AGTPBP1: variants seen among roughly 807,000 people sequenced by gnomAD.
AGTPBP1 encodes cytosolic carboxypeptidase 1.
In AGTPBP1, 70 loss-of-function variants were observed where a neutral mutation model predicts 143.9. That is an observed-to-expected ratio of 0.49 (90% CI 0.40 to 0.59). AGTPBP1 has a LOEUF of 0.59. AGTPBP1 is among the 20% of genes least tolerant of loss of function. AGTPBP1 has a pLI of 0.00. For missense variants in AGTPBP1, 1,229 were observed against 1,464.5 expected (o/e 0.84, Z 2.62); for synonymous variants, 463 against 500.2 (o/e 0.93, Z 0.99).
In AGTPBP1 at chr9:85,683,562, C is replaced by CT. The variant is rs540020297; in HGVS notation, c.158-2228dup. ...ACTAAATGAAAATTAGGTGTTTAGACTAACAGTTTTCTACTCTACTCCAAA... is the reference window on the plus strand; with the variant it reads ...ACTAAATGAAAATTAGGTGTTTAGACTTAACAGTTTTCTACTCTACTCCAAA... On this transcript the variant is annotated intron_variant, in intron 3 of 25. Coordinates refer to ENST00000357081, the MANE Select transcript of AGTPBP1 (RefSeq NM_001330701.2). 5.1e-4 allele frequency among the ~76,000 whole-genome samples: 78 copies of CT among 152,272 alleles called. 1 individual carries two copies. In the South Asian group the frequency reaches 0.014, roughly 28 times the overall value.
chr9:85,635,395 T>C (rs959770199), intron 13 of AGTPBP1, among the ~76,000 whole-genome samples: 1 of 152,112 alleles, frequency 6.6e-6, no homozygotes, highest in East Asian at 1.9e-4. Flanking sequence ...AAGGAGGAAA[T>C]AGGTAGATCT....
the AGTPBP1 span, chr9:85,770,380 C>T: frequency 1.2e-6 from 2 of 1,604,958 alleles, no homozygotes; most frequent in Non-Finnish European, 1.7e-6. Flanking sequence ...CCAGAAGTCA[C>T]TTAGAGCATC....
At chr9:85,671,010 T>C (rs1475201698) in intron 7 of AGTPBP1, among the ~76,000 whole-genome samples, 1 of 152,134 alleles carries the variant, frequency 6.6e-6, no homozygotes, top group Non-Finnish European at 1.5e-5. Flanking sequence ...GGTGCAGTCA[T>C]GGCTCACTGC....
intron 2 of AGTPBP1, among the ~76,000 whole-genome samples, chr9:85,694,730 C>T (rs903124190): frequency 6.6e-6 from 1 of 152,176 alleles, no homozygotes; most frequent in African/African-American, 2.4e-5. Context: ...GTGATCCCAT[C>T]TAATCCCACA....
chr9:85,740,265 C>T (rs1161444448), intron 1 of AGTPBP1, among the ~76,000 whole-genome samples: 1 of 152,162 alleles, frequency 6.6e-6, no homozygotes, highest in Non-Finnish European at 1.5e-5. Flanking sequence ...CAGAGTGAGT[C>T]TGCAGTTGTA....
the AGTPBP1 span, among the ~76,000 whole-genome samples, chr9:85,767,388 A>T: frequency 7.1e-6 from 1 of 141,410 alleles, no homozygotes; most frequent in East Asian, 2.1e-4. Flanking sequence ...TTGCTCTGTC[A>T]CCAGGCTGGA....
At chr9:85,802,241 C>T in the AGTPBP1 span, among the ~76,000 whole-genome samples, 1 of 152,112 alleles carries the variant, frequency 6.6e-6, no homozygotes, top group Admixed American at 6.6e-5. Flanking sequence ...GTCACTCTAC[C>T]GTCTTTCCAC....
intron 2 of AGTPBP1, 64 bp downstream of exon 2, chr9:85,712,438 T>G: frequency 3.6e-6 from 3 of 823,218 alleles, no homozygotes; most frequent in Non-Finnish European, 5.6e-6. Context: ...GTATTGAGTT[T>G]CAAGTAATTC....
At chr9:85,627,405 C>T (rs887826033) in intron 14 of AGTPBP1, among the ~76,000 whole-genome samples, 11 of 152,156 alleles carry the variant, frequency 7.2e-5, no homozygotes, top group African/African-American at 2.7e-4. Flanking sequence ...TTCTGCCATA[C>T]ACATATGTTC....
At chr9:85,579,611 G>A in intron 23 of AGTPBP1, among the ~76,000 whole-genome samples, 1 of 150,782 alleles carries the variant, frequency 6.6e-6, no homozygotes, top group Non-Finnish European at 1.5e-5. Flanking sequence ...GGGGCGAGGG[G>A]GGGGGTGTAA....
At chr9:85,583,207 G>A (rs541000854) in intron 23 of AGTPBP1, among the ~76,000 whole-genome samples, 6 of 152,244 alleles carry the variant, frequency 3.9e-5, no homozygotes, top group Admixed American at 3.3e-4. Flanking sequence ...CCCAGTGAGC[G>A]CTACCTTCGA....
chr9:85,550,589 C>T (rs1453564685), intron 25 of AGTPBP1, among the ~76,000 whole-genome samples: 1 of 152,156 alleles, frequency 6.6e-6, no homozygotes, highest in African/African-American at 2.4e-5. Flanking sequence ...CTCATTATTT[C>T]CAAATCCAAA....
At chr9:85,684,280 T>A (rs1731373017) in intron 3 of AGTPBP1, among the ~76,000 whole-genome samples, 1 of 152,088 alleles carries the variant, frequency 6.6e-6, no homozygotes, top group Non-Finnish European at 1.5e-5. Context: ...ACAACCAAAC[T>A]CTATATGCTC....
At chr9:85,593,549 C>A (rs1587700252) in intron 18 of AGTPBP1, among the ~76,000 whole-genome samples, 1 of 152,096 alleles carries the variant, frequency 6.6e-6, no homozygotes, top group East Asian at 1.9e-4. Context: ...CTTAATCTTT[C>A]TGTGTTGTGA....
At chr9:85,753,455 T>C in the AGTPBP1 span, 16 of 1,611,458 alleles carry the variant, frequency 9.9e-6, no homozygotes, top group South Asian at 1.7e-4. Context: ...CTGGTTTCTC[T>C]TCAATCTGAT....
chr9:85,741,533 C>G lies in AGTPBP1; in HGVS notation c.-34+242G>C, dbSNP rs568964699. 4.5e-5 allele frequency: 44 copies of G among 985,420 alleles called. No homozygotes were observed. The South Asian group carries it at 1.6e-3, about 36-fold the overall frequency. 61.0% of individuals were successfully genotyped at this position (985,420 alleles called of 1,614,324 possible). A position where few individuals can be genotyped will look rare whatever the true frequency, so the allele number is the denominator to read the frequency against. ...CGGGGATCCACCGAGGGTCCGGGGA[C>G]TGGGGAAGGCGTTTTCCAGACCCAG... On this transcript the variant is annotated intron_variant, in intron 1 of 25. Transcript: ENST00000357081.
At chr9:85,753,237 A>T in the AGTPBP1 span, 2 of 1,565,064 alleles carry the variant, frequency 1.3e-6, no homozygotes, top group Non-Finnish European at 1.7e-6. Context: ...AGAAAAAAAA[A>T]ATTGTCATCA....
At chr9:85,657,200 CAAA>C (rs772108835) in intron 10 of AGTPBP1, among the ~76,000 whole-genome samples, 1 of 127,604 alleles carries the variant, frequency 7.8e-6, no homozygotes, top group Admixed American at 7.8e-5. Flanking sequence ...AAAAATAATA[CAAA>C]AAAAAAAAAA....
intron 14 of AGTPBP1, among the ~76,000 whole-genome samples, chr9:85,630,461 CGATTGATT>C (rs71372435): frequency 0.13 from 19,257 of 148,850 alleles, 1,426 homozygotes; most frequent in East Asian, 0.3. Flanking sequence ...TGCAGTGGCA[CGATTGATT>C]GATTGATTGA....
Sources: gnomAD v4.1 joint callset for allele counts (sites outside exome capture counted in the v4.1 genomes callset) on GRCh38, gnomAD v4.1.1 for gene constraint, MANE v1.5 for transcripts, NCBI Gene and HGNC (gene_info 2026-07-23, HGNC 2026-07-21) for gene names.